Variants in COL4A3 observed in about 807,000 individuals in gnomAD.
COL4A3 encodes the protein collagen type IV alpha 3 chain, also known as collagen alpha-3(IV) chain.
COL4A3 carries 135 observed loss-of-function variants against 217.4 expected under a neutral mutation model. That is an observed-to-expected ratio of 0.62 (90% CI 0.54 to 0.72). COL4A3 has a LOEUF of 0.72. Ranked by LOEUF, COL4A3 falls within the 30% of genes least tolerant of loss-of-function variation. COL4A3 has a pLI of 0.00. For synonymous variants in COL4A3, 690 were observed against 736.3 expected, an observed-to-expected ratio of 0.94 and a Z score of 1.02; for missense variants, 1,868 against 2,119.9, an observed-to-expected ratio of 0.88 and a Z score of 2.33.
chr2:227,224,198 C>A (rs181777294), intron 1 of COL4A3, among the ~76,000 whole-genome samples: 3 of 152,158 alleles, frequency 2.0e-5, no homozygotes, highest in African/African-American at 7.2e-5. Context: ...AGGCGTTTTA[C>A]GATCTTAATA....
chr2:227,174,088 A>C (rs6718820), intron 1 of COL4A3, among the ~76,000 whole-genome samples: 124,291 of 152,184 alleles, frequency 0.82, 51,407 homozygotes, highest in African/African-American at 0.95. Context: ...TGAGTTGTGC[A>C]TAAATATCTG....
chr2:227,177,929 T>C (rs747805151), intron 1 of COL4A3, among the ~76,000 whole-genome samples: 1 of 152,142 alleles, frequency 6.6e-6, no homozygotes, highest in Non-Finnish European at 1.5e-5. Context: ...ATGTTGGCCA[T>C]TGGGAAATGC....
chr2:227,264,046 T>C, intron 21 of COL4A3, 102 bp downstream of exon 21: 1 of 1,408,034 alleles, frequency 7.1e-7, no homozygotes. Context: ...CATCAGTCTG[T>C]GTGGTTTTTA....
Position 227,312,248 on chromosome 2 carries a change from G to A in COL4A3, c.*378G>A. 1 of 269,358 alleles carries A rather than the reference G, an allele frequency of 3.7e-6. No individual in the cohort carries two copies. Among genetic ancestry groups the A allele is most frequent in the East Asian group, 1.0e-4 (1 of 9,908 alleles). The allele number at this position is 269,358 out of a possible 1,614,324, so 16.7% of individuals were successfully genotyped here. A position where few individuals can be genotyped will look rare whatever the true frequency, so the allele number is the denominator to read the frequency against. Reference sequence around the variant, plus strand: ...TCTTCTTTCTGTCTTTAAGACTCAGGGAGGCTAAATCAGTGTTTGATTGCC... The same window carrying A: ...TCTTCTTTCTGTCTTTAAGACTCAGAGAGGCTAAATCAGTGTTTGATTGCC... On this transcript the variant is annotated 3_prime_UTR_variant, in exon 52 of 52. Coordinates refer to ENST00000396578, the MANE Select transcript of COL4A3 (RefSeq NM_000091.5).
At chr2:227,276,254 T>A in intron 26 of COL4A3, 131 bp from the exon 27 acceptor site, 1 of 725,484 alleles carries the variant, frequency 1.4e-6, no homozygotes, top group Non-Finnish European at 2.4e-6. Context: ...AGTTTTGAAG[T>A]CTGTGAAAAC....
intron 2 of COL4A3, 72 bp downstream of exon 2, chr2:227,238,096 C>A: frequency 2.0e-6 from 2 of 983,128 alleles, no homozygotes; most frequent in Non-Finnish European, 3.3e-6. Flanking sequence ...CTTCTTCTTT[C>A]ATCGGTAGCA....
chr2:227,227,881 T>C (rs1010241000), intron 1 of COL4A3: 1 of 151,414 alleles, frequency 6.6e-6, no homozygotes, highest in Non-Finnish European at 1.5e-5. Context: ...TCAGTCTTTC[T>C]GCATTCAAAA....
intron 37 of COL4A3, 161 bp downstream of exon 37, chr2:227,291,047 A>T: frequency 1.2e-6 from 1 of 813,792 alleles, no homozygotes; most frequent in Non-Finnish European, 1.9e-6. Flanking sequence ...ACAACAGAGG[A>T]TGCTTGTCTG....
chr2:227,297,669 T>G lies in COL4A3; in HGVS notation c.3566-5T>G, dbSNP rs779289993. ...AAGAAACTTATTAAGCCTTCTTCTT[T>G]GCAGGAGCCAAAGGAGACAGGGGAG... On this transcript the variant is annotated splice_region_variant and splice_polypyrimidine_tract_variant and intron_variant, in intron 41 of 51. Coordinates refer to ENST00000396578, the MANE Select transcript of COL4A3 (RefSeq NM_000091.5). 2 of 1,604,592 alleles carry G rather than the reference T, an allele frequency of 1.2e-6. No homozygotes were observed. The highest frequency in any genetic ancestry group is 1.7e-6 in the Non-Finnish European group (2 of 1,176,584).
chr2:227,208,029 C>T (rs1333049853), intron 1 of COL4A3, among the ~76,000 whole-genome samples: 1 of 149,420 alleles, frequency 6.7e-6, no homozygotes, highest in Non-Finnish European at 1.5e-5. Flanking sequence ...CCCCCCCACA[C>T]ACACGAAACC....
chr2:227,247,829 G>A (rs2069443069), intron 8 of COL4A3, among the ~76,000 whole-genome samples: 1 of 152,174 alleles, frequency 6.6e-6, no homozygotes, highest in African/African-American at 2.4e-5. Context: ...GGGTCTTGGA[G>A]AAGAAAACTG....
In COL4A3 at chr2:227,282,616, T is replaced by C; in HGVS notation, c.2656+84T>C. 8.2e-7 allele frequency: 1 copy of C among 1,216,250 alleles called. No individual in the cohort carries two copies. Among genetic ancestry groups the C allele is most frequent in the Non-Finnish European group, 1.2e-6 (1 of 823,814 alleles). The allele number at this position is 1,216,250 out of a possible 1,614,324, so 75.3% of individuals were successfully genotyped here. A position where few individuals can be genotyped will look rare whatever the true frequency, so the allele number is the denominator to read the frequency against. On this transcript the variant is annotated intron_variant, in intron 32 of 51. Coordinates refer to ENST00000396578, the MANE Select transcript of COL4A3 (RefSeq NM_000091.5). This position sits in a 1 kb window ranked among gnomAD's most constrained non-coding sequence, Gnocchi z 4.4. ...TGTCAACTGTACATAGGCATACGCT[T>C]TTTACTCTATGCTTTTACTTAATAT... is the stretch of plus-strand genomic sequence containing the variant.
At chr2:227,225,923 G>A (rs2068064499) in intron 1 of COL4A3, among the ~76,000 whole-genome samples, 1 of 151,982 alleles carries the variant, frequency 6.6e-6, no homozygotes, top group Non-Finnish European at 1.5e-5. Context: ...TGTTGGCCAG[G>A]CTGGTCTTGA....
At chr2:227,249,214 A>G (rs569077273) in intron 9 of COL4A3, among the ~76,000 whole-genome samples, 35 of 29,160 alleles carry the variant, frequency 1.2e-3, no homozygotes, top group South Asian at 2.0e-3. Flanking sequence ...ATTAGCTAGT[A>G]TATATATATA....
At chr2:227,224,171 G>C (rs2067964313) in intron 1 of COL4A3, among the ~76,000 whole-genome samples, 1 of 152,198 alleles carries the variant, frequency 6.6e-6, no homozygotes, top group Admixed American at 6.5e-5. Flanking sequence ...TAATGACTAT[G>C]AGACAGATGA....
chr2:227,226,971 T>C, intron 1 of COL4A3, among the ~76,000 whole-genome samples: 1 of 152,234 alleles, frequency 6.6e-6, no homozygotes, highest in Non-Finnish European at 1.5e-5. Context: ...AACATTTGTA[T>C]TGATGAAATG....
intron 37 of COL4A3, among the ~76,000 whole-genome samples, chr2:227,292,042 A>G (rs2072775203): frequency 6.6e-6 from 1 of 152,266 alleles, no homozygotes; most frequent in Non-Finnish European, 1.5e-5. Flanking sequence ...TTGAAACTAA[A>G]TGCAAAATGT....
At chr2:227,178,445 C>T (rs7573071) in intron 1 of COL4A3, among the ~76,000 whole-genome samples, 21,028 of 152,088 alleles carry the variant, frequency 0.14, 1,544 homozygotes, top group Admixed American at 0.18. Context: ...CCATACTCTC[C>T]GACGTTTATT....
rs573740590 is a variant in COL4A3, at chr2:227,261,677, A to AT, written c.1150+565dup. On this transcript the variant is annotated intron_variant, in intron 20 of 51. Transcript: ENST00000396578. The stretch of plus-strand genomic sequence containing the variant: ...ATTTGCAAAAGCTTTATTGTCCGGG[A>AT]TTTTTACAGTGACTTTTGGAGTATG... Among the ~76,000 whole-genome samples, 20 of 152,260 alleles carry AT rather than the reference A, an allele frequency of 1.3e-4. No individual in the cohort carries two copies. In the East Asian group the frequency reaches 2.9e-3, roughly 22 times the overall value.
Sources: allele counts gnomAD v4.1 joint callset (sites outside exome capture counted in the v4.1 genomes callset), GRCh38; gene constraint gnomAD v4.1.1; non-coding constraint Gnocchi (gnomAD v3.1); transcripts MANE v1.5; gene names NCBI Gene and HGNC (gene_info 2026-07-23, HGNC 2026-07-21).